Variants in GBX2 observed in about 807,000 individuals in gnomAD.
GBX2 encodes homeobox protein GBX-2.
In GBX2, 5 loss-of-function variants were observed where a neutral mutation model predicts 22.4. The ratio of observed to expected loss-of-function variants is 0.22; its 90% CI spans 0.12 to 0.47. The LOEUF (loss-of-function observed/expected upper bound fraction) is 0.47. Ranked by LOEUF, GBX2 falls within the 20% of genes least tolerant of loss-of-function variation. GBX2 has a pLI of 0.99. For synonymous variants in GBX2, 220 were observed against 230.5 expected, an observed-to-expected ratio of 0.95 and a Z score of 0.41; for missense variants, 470 against 495.4, an observed-to-expected ratio of 0.95 and a Z score of 0.49.
chr2:236,167,952 G>A lies in GBX2; in HGVS notation c.20C>T (p.Pro7Leu), dbSNP rs1276073606. Residue 7 changes from proline to leucine, a missense_variant, in exon 1 of 2, where the codon CCG (proline) becomes CTG (leucine). By Grantham distance (98) the Pro-to-Leu change is moderately conservative. Coordinates refer to ENST00000306318, the MANE Select transcript of GBX2 (RefSeq NM_001485.4). MSAAFP[P>L]SLMMMQRPLG... ...CGGGCGCTGCATCATCATCAGCGAC[G>A]GCGGGAACGCTGCGCTCATAGACGC... 5.1e-6 allele frequency: 8 copies of A among 1,561,486 alleles called. No homozygotes were observed. The highest frequency in any genetic ancestry group is 1.8e-5 in the Admixed American group (1 of 54,420).
Position 236,167,745 on chromosome 2 carries a change from G to C in GBX2, c.227C>G (p.Pro76Arg). ...GGGGATCTGGTGGTGAGGGTGTGCG[G>C]GCGGCAGCGCTGGCTGCAGCGCGGC... ...PQAALQPALP[P>R]AHPHHQIPSL... is the part of the protein sequence containing the mutation. Residue 76 changes from proline (P) to arginine (R), a missense_variant, in exon 1 of 2, where the codon CCC (proline) becomes CGC (arginine). Physicochemically the swap from Pro to Arg is moderately radical, Grantham distance 103. This residue lies in a region of GBX2 where 377 missense variants were observed against 358.6 expected (regional missense o/e 1.05). Transcript: ENST00000306318. 6.7e-7 allele frequency: 1 copy of C among 1,495,140 alleles called. No homozygotes were observed. The highest frequency in any genetic ancestry group is 8.9e-7 in the Non-Finnish European group (1 of 1,127,168). The allele number at this position is 1,495,140 out of a possible 1,614,324, so 92.6% of individuals were successfully genotyped here.
Position 236,167,914 on chromosome 2 carries a change from T to C in GBX2, c.58A>G (p.Thr20Ala). The C allele has an allele frequency of 6.4e-7, 1 of 1,561,416 alleles. No homozygotes were observed. The highest frequency in any genetic ancestry group is 1.8e-5 in the Admixed American group (1 of 54,298). Residue 20 changes from threonine to alanine, a missense_variant, in exon 1 of 2, where the codon ACC becomes GCC. Physicochemically the swap from Thr to Ala is moderately conservative, Grantham distance 58 (BLOSUM62 0). Transcript: ENST00000306318. ...MMMQRPLGSS[T>A]AFSIDSLIGS... Reference sequence around the variant, plus strand: ...ATCAGCGAGTCTATGCTGAAGGCGGTGCTACTCCCCAGCGGGCGCTGCATC... The same window carrying C: ...ATCAGCGAGTCTATGCTGAAGGCGGCGCTACTCCCCAGCGGGCGCTGCATC...
Position 236,165,765 on chromosome 2 carries a change from C to A in GBX2, c.*149G>T. On this transcript the variant is annotated 3_prime_UTR_variant, in exon 2 of 2. Transcript: ENST00000306318. ...GCCCCTTCAAAAGCAGTCTTTTAAG[C>A]CCATTTAGTGAATATATTCTCAATT... 1 of 647,702 alleles carries A rather than the reference C, an allele frequency of 1.5e-6. No individual in the cohort carries two copies. The highest frequency in any genetic ancestry group is 1.9e-5 in the South Asian group (1 of 51,328). The allele number at this position is 647,702 out of a possible 1,614,324, so 40.1% of individuals were successfully genotyped here. A position where few individuals can be genotyped will look rare whatever the true frequency, so the allele number is the denominator to read the frequency against.
downstream of GBX2, among the ~76,000 whole-genome samples, chr2:236,163,806 C>T (rs1222166602): frequency 6.6e-6 from 1 of 152,030 alleles, no homozygotes; most frequent in African/African-American, 2.4e-5. Context: ...AACCTGCACT[C>T]AGCGCTTCCT....
Position 236,165,836 on chromosome 2 carries a change from A to C in GBX2, c.*78T>G. On this transcript the variant is annotated 3_prime_UTR_variant, in exon 2 of 2. Transcript: ENST00000306318. ...GGGCTGTGACTTTGTTGCTTCAAAC[A>C]CAGTGGAGTCCACCATGGGTTCCCT... 1 of 1,164,242 alleles carries C rather than the reference A, an allele frequency of 8.6e-7. No individual in the cohort carries two copies. The highest frequency in any genetic ancestry group is 1.5e-5 in the South Asian group (1 of 68,620). The allele number at this position is 1,164,242 out of a possible 1,614,324, so 72.1% of individuals were successfully genotyped here. A position where few individuals can be genotyped will look rare whatever the true frequency, so the allele number is the denominator to read the frequency against.
chr2:236,166,216 G>T lies in GBX2; in HGVS notation c.745C>A (p.Arg249=), dbSNP rs747458810. The T allele has an allele frequency of 6.2e-7, 1 of 1,613,646 alleles. No homozygotes were observed. ...GSTTSTGKNR[R]RRTAFTSEQL... ...TCGCTGGTGAAGGCAGTCCGCCGCC[G>T]CCGGTTCTTGCCCGTAGACGTGGTG... is the stretch of plus-strand genomic sequence containing the variant. The change falls in exon 2 of 2, where the codon CGG becomes AGG. Residue 249 remains arginine, a synonymous_variant. Transcript: ENST00000306318. The surrounding 1 kb of genome is among the most constrained non-coding windows in gnomAD (Gnocchi z 6.6).
rs752822897 is a variant in GBX2 at position 236,167,476 on chromosome 2, C to T, written c.496G>A (p.Ala166Thr). 5 of 1,581,258 alleles carry T rather than the reference C, an allele frequency of 3.2e-6. No homozygotes were observed. In the African/African-American group the frequency reaches 4.2e-5, roughly 13 times the overall value. ...AKEGSLLAFS[A>T]AETVQASLVG... ...AGCGAAGCCTGCACCGTCTCGGCCG[C>T]GGAGAAGGCGAGCAGCGAGCCCTCT... The change falls in exon 1 of 2, where the codon GCG (alanine) becomes ACG (threonine). Residue 166 changes from alanine (A) to threonine (T), a missense_variant. Ala to Thr is a moderately conservative substitution (Grantham distance 58). This residue lies in a region of GBX2 where 377 missense variants were observed against 358.6 expected (regional missense o/e 1.05). Coordinates refer to ENST00000306318, the MANE Select transcript of GBX2 (RefSeq NM_001485.4).
Position 236,166,134 on chromosome 2 carries a change from T to C in GBX2, c.827A>G (p.Glu276Gly), listed in dbSNP as rs755708214. ...FHCKKYLSLT[E>G]RSQIAHALKL... Reference sequence around the variant, plus strand: ...GAGGGCGTGGGCGATCTGCGAGCGCTCGGTCAAGGAGAGGTACTTTTTGCA... The same window carrying C: ...GAGGGCGTGGGCGATCTGCGAGCGCCCGGTCAAGGAGAGGTACTTTTTGCA... The change falls in exon 2 of 2, where the codon GAG becomes GGG. Residue 276 changes from glutamate to glycine, a missense_variant. Around this residue, in one of 4 missense-constraint regions of GBX2, gnomAD observed 40 missense variants for 55.1 expected, o/e 0.73. Coordinates refer to ENST00000306318, the MANE Select transcript of GBX2 (RefSeq NM_001485.4). This position sits in a 1 kb window ranked among gnomAD's most constrained non-coding sequence, Gnocchi z 6.6. 1 of 1,614,218 alleles carries C rather than the reference T, an allele frequency of 6.2e-7. No homozygotes were observed. Among genetic ancestry groups the C allele is most frequent in the Non-Finnish European group, 8.5e-7 (1 of 1,180,022 alleles).
Position 236,168,123 on chromosome 2 carries a change from G to A in GBX2, c.-152C>T, listed in dbSNP as rs1012780103. The A allele has an allele frequency of 6.4e-6, 5 of 779,560 alleles. No homozygotes were observed. In the African/African-American group the frequency reaches 9.2e-5, roughly 14 times the overall value. The allele number at this position is 779,560 out of a possible 1,614,324, so 48.3% of individuals were successfully genotyped here. On this transcript the variant is annotated 5_prime_UTR_variant, in exon 1 of 2. Transcript: ENST00000306318. ...AGACGCCTCCGCCCCTCAGTCCTGG[G>A]CCCGCTGCATGCCGGGCGGGTGCAG...
downstream of GBX2, among the ~76,000 whole-genome samples, chr2:236,163,966 T>A (rs1237298859): frequency 6.6e-6 from 1 of 152,040 alleles, no homozygotes; most frequent in Non-Finnish European, 1.5e-5. Flanking sequence ...GCCGACGCCC[T>A]CGGAGGACTG....
downstream of GBX2, among the ~76,000 whole-genome samples, chr2:236,162,789 G>C (rs537665782): frequency 8.5e-5 from 13 of 152,358 alleles, no homozygotes; most frequent in Admixed American, 8.5e-4. Context: ...AACAAATATA[G>C]TGATGTCAAA....
Position 236,166,468 on chromosome 2 carries a change from C to G in GBX2, c.524-31G>C, listed in dbSNP as rs770854334. 41 of 1,586,300 alleles carry G rather than the reference C, an allele frequency of 2.6e-5. No homozygotes were observed. Among genetic ancestry groups the G allele is most frequent in the African/African-American group, 5.4e-5 (4 of 74,320 alleles). On this transcript the variant is annotated intron_variant, in intron 1 of 1. Transcript: ENST00000306318. The surrounding 1 kb of genome is among the most constrained non-coding windows in gnomAD (Gnocchi z 6.6). ...AGCAAAACCAAACGGCATTTTATTA[C>G]ATTTCGCACACTGGCCTTCCTTTCT...
At chr2:236,161,588 C>T (rs2060214269), downstream of GBX2, among the ~76,000 whole-genome samples, 2 of 152,220 alleles carry the variant, frequency 1.3e-5, no homozygotes, top group East Asian at 1.9e-4. Flanking sequence ...AGCCCTGCTA[C>T]CCTGGAACTG....
At position 236,167,799 on chromosome 2, in the gene GBX2, G is replaced by T; in HGVS notation, c.173C>A (p.Pro58Gln). The T allele has an allele frequency of 2.8e-6, 4 of 1,406,570 alleles. No individual in the cohort carries two copies. Among genetic ancestry groups the T allele is most frequent in the Non-Finnish European group, 3.7e-6 (4 of 1,077,592 alleles). The allele number at this position is 1,406,570 out of a possible 1,614,324, so 87.1% of individuals were successfully genotyped here. The stretch of plus-strand genomic sequence containing the variant: ...GGGCAGCGCGGGCGGCGGCGGCGGC[G>T]GCGGCGGCAGCACTACCGGCCGGTA... ...MPYRPVVLPP[P>Q]PPPPPALPQA... Residue 58 changes from proline (P) to glutamine (Q), a missense_variant, in exon 1 of 2, where the codon CCG becomes CAG. Around this residue, in one of 4 missense-constraint regions of GBX2, gnomAD observed 377 missense variants for 358.6 expected, o/e 1.05. Transcript: ENST00000306318.
chr2:236,166,223 C>T lies in GBX2; in HGVS notation c.738G>A (p.Lys246=). The change falls in exon 2 of 2, where the codon AAG becomes AAA. Residue 246 remains lysine (K), a synonymous_variant. Transcript: ENST00000306318. This position sits in a 1 kb window ranked among gnomAD's most constrained non-coding sequence, Gnocchi z 6.6. ...TGAAGGCAGTCCGCCGCCGCCGGTTCTTGCCCGTAGACGTGGTGCTGCCCG... is the reference window on the plus strand; with the variant it reads ...TGAAGGCAGTCCGCCGCCGCCGGTTTTTGCCCGTAGACGTGGTGCTGCCCG... ...GAAGSTTSTG[K]NRRRRTAFTS... is the part of the protein sequence containing the mutation. The T allele has an allele frequency of 6.2e-7, 1 of 1,613,786 alleles. No homozygotes were observed. Among genetic ancestry groups the T allele is most frequent in the Non-Finnish European group, 8.5e-7 (1 of 1,179,980 alleles).
downstream of GBX2, among the ~76,000 whole-genome samples, chr2:236,164,044 C>A (rs2060224592): frequency 1.3e-5 from 2 of 152,326 alleles, no homozygotes; most frequent in South Asian, 4.1e-4. Flanking sequence ...CTGTTGGGAA[C>A]GCGGCGGGAA....
At chr2:236,163,218 C>T (rs1015717529), downstream of GBX2, among the ~76,000 whole-genome samples, 11 of 152,158 alleles carry the variant, frequency 7.2e-5, no homozygotes, top group South Asian at 4.1e-4. Flanking sequence ...GTCTCCCGGG[C>T]CTTGGCCTCC....
Position 236,168,343 on chromosome 2 carries a change from C to G in GBX2, c.-372G>C, listed in dbSNP as rs1048723681. ...CTCCCGCGGGCCGCTGGGGAGCGCGCGAAGCCGGCGTACTTATCTCCGGCG... is the reference window on the plus strand; with the variant it reads ...CTCCCGCGGGCCGCTGGGGAGCGCGGGAAGCCGGCGTACTTATCTCCGGCG... On this transcript the variant is annotated 5_prime_UTR_variant, in exon 1 of 2. Coordinates refer to ENST00000306318, the MANE Select transcript of GBX2 (RefSeq NM_001485.4). The G allele has an allele frequency of 1.2e-5, 2 of 162,858 alleles. No homozygotes were observed. Among genetic ancestry groups the G allele is most frequent in the Middle Eastern group, 3.0e-3 (1 of 338 alleles). The allele number at this position is 162,858 out of a possible 1,614,324, so 10.1% of individuals were successfully genotyped here. A position where few individuals can be genotyped will look rare whatever the true frequency, so the allele number is the denominator to read the frequency against.
chr2:236,163,539 A>G (rs1312071322), downstream of GBX2, among the ~76,000 whole-genome samples: 1 of 151,780 alleles, frequency 6.6e-6, no homozygotes, highest in Non-Finnish European at 1.5e-5. Flanking sequence ...GTGGGGTTAC[A>G]CCTGTTATGG....
Sources: gnomAD v4.1 joint callset for allele counts (sites outside exome capture counted in the v4.1 genomes callset) on GRCh38, gnomAD v4.1.1 for gene constraint, gnomAD v4.1.1 regional missense constraint, Gnocchi (gnomAD v3.1) non-coding constraint, MANE v1.5 for transcripts, NCBI Gene and HGNC (gene_info 2026-07-23, HGNC 2026-07-21) for gene names.